The following DEPDC7 variants were observed in gnomAD, a reference collection of about 807,000 sequenced individuals.
The protein encoded by DEPDC7 is DEP domain-containing protein 7.
DEPDC7 carries 41 observed loss-of-function variants against 56.6 expected under a neutral mutation model. The observed-to-expected ratio is 0.72, with a 90% CI of 0.56 to 0.94. The LOEUF (loss-of-function observed/expected upper bound fraction) is 0.94. Ranked by LOEUF, DEPDC7 falls within the 40% of genes least tolerant of loss-of-function variation. The pLI, the probability that DEPDC7 is intolerant of heterozygous loss-of-function variation, is 0.00. For synonymous variants in DEPDC7, 185 were observed against 208.8 expected, an observed-to-expected ratio of 0.89 and a Z score of 0.98; for missense variants, 522 against 596.3, an observed-to-expected ratio of 0.88 and a Z score of 1.30.
intron 1 of DEPDC7, among the ~76,000 whole-genome samples, chr11:33,024,169 A>T (rs555136764): frequency 6.6e-6 from 1 of 152,220 alleles, no homozygotes; most frequent in Non-Finnish European, 1.5e-5. Flanking sequence ...TTTCTTTCCT[A>T]TTGATTTCCA....
At position 33,028,655 on chromosome 11, in the gene DEPDC7, A is replaced by G. The variant is rs772221491; in HGVS notation, c.645A>G (p.Val215=). The G allele has an allele frequency of 6.2e-7, 1 of 1,613,298 alleles. No homozygotes were observed. Residue 215 remains valine, a synonymous_variant, in exon 4 of 9, where the codon GTA becomes GTG. Transcript: ENST00000241051. ...EETIGRLLQL[V]DLPLLDSLLK... ...CAATTGGGCGTCTACTACAACTTGT[A>G]GACCTTCCACTTCTTGACTCCTTAC...
chr11:33,025,968 G>T lies in DEPDC7; in HGVS notation c.383G>T (p.Ser128Ile). ...AAAAAACCTACATTTGAAGATAGTA[G>T]TTGCAGCCTTTATAGATTCACCACA... ...KDKKPTFEDS[S>I]CSLYRFTTIP... The change falls in exon 2 of 9, where the codon AGT becomes ATT. Residue 128 changes from serine (S) to isoleucine (I), a missense_variant. Transcript: ENST00000241051. 6.2e-7 allele frequency: 1 copy of T among 1,614,114 alleles called. No individual in the cohort carries two copies.
intron 1 of DEPDC7, among the ~76,000 whole-genome samples, chr11:33,021,345 T>C (rs935095101): frequency 2.0e-5 from 3 of 151,968 alleles, no homozygotes; most frequent in African/African-American, 7.2e-5. Context: ...GTTTAGCTCA[T>C]ATGAAAGTGA....
At chr11:33,028,426 C>T (rs1280261436) in intron 3 of DEPDC7, 177 bp from the exon 4 acceptor site, 3 of 514,834 alleles carry the variant, frequency 5.8e-6, no homozygotes, top group Non-Finnish European at 1.0e-5. Flanking sequence ...TATTCTCCTA[C>T]ACTCTAAACA....
At chr11:33,022,612 A>C (rs1853534236) in intron 1 of DEPDC7, among the ~76,000 whole-genome samples, 1 of 152,232 alleles carries the variant, frequency 6.6e-6, no homozygotes, top group Non-Finnish European at 1.5e-5. Context: ...GTTTATTTTA[A>C]ATCTTATTTA....
intron 1 of DEPDC7, chr11:33,016,319 A>C (rs1853460434): frequency 4.3e-6 from 6 of 1,393,418 alleles, no homozygotes; most frequent in Non-Finnish European, 5.6e-6. Flanking sequence ...TGCGCCCGCT[A>C]ACGTGCCAGG....
In DEPDC7 at chr11:33,015,901, G is replaced by T; in HGVS notation, c.-55G>T. The T allele has an allele frequency of 6.6e-7, 1 of 1,511,792 alleles. No homozygotes were observed. The highest frequency in any genetic ancestry group is 8.9e-7 in the Non-Finnish European group (1 of 1,120,700). The allele number at this position is 1,511,792 out of a possible 1,614,324, so 93.6% of individuals were successfully genotyped here. On this transcript the variant is annotated 5_prime_UTR_variant, in exon 1 of 9. Transcript: ENST00000241051. ...GCACAGTTAACAGACGGGCGCTCAG[G>T]GAGCTAGGGAGCTGTGAAGCTGCTG...
Position 33,025,758 on chromosome 11 carries a change from G to A in DEPDC7, c.173G>A (p.Arg58His), listed in dbSNP as rs552446140. ...GTGGAAGTGAAAAAACGAAGGCACC[G>A]TTTAAAACGACATAATGACTGCTTT... ...TQVEVKKRRH[R>H]LKRHNDCFVG... Residue 58 changes from arginine (R) to histidine (H), a missense_variant, in exon 2 of 9, where the codon CGT (arginine) becomes CAT (histidine). Arg to His is a conservative substitution (Grantham distance 29). Coordinates refer to ENST00000241051, the MANE Select transcript of DEPDC7 (RefSeq NM_001077242.2). 19 of 1,614,168 alleles carry A rather than the reference G, an allele frequency of 1.2e-5. No individual in the cohort carries two copies. Among genetic ancestry groups the A allele is most frequent in the South Asian group, 4.4e-5 (4 of 91,080 alleles).
intron 1 of DEPDC7, among the ~76,000 whole-genome samples, chr11:33,018,714 T>C (rs1430302794): frequency 6.6e-6 from 1 of 152,218 alleles, no homozygotes; most frequent in Non-Finnish European, 1.5e-5. Flanking sequence ...TTGTCATAAT[T>C]AATGAACCAA....
intron 1 of DEPDC7, among the ~76,000 whole-genome samples, chr11:33,024,802 CTGTGTG>C (rs35371602): frequency 0.045 from 6,529 of 146,356 alleles, 352 homozygotes; most frequent in African/African-American, 0.13. Context: ...ATGCATGACT[CTGTGTG>C]TGTGTGTGTG....
At chr11:33,024,233 G>A (rs573249849) in intron 1 of DEPDC7, among the ~76,000 whole-genome samples, 1 of 152,138 alleles carries the variant, frequency 6.6e-6, no homozygotes. Context: ...TTGAAAGTTT[G>A]TTTTTCTCCT....
chr11:33,033,009 A>G lies in DEPDC7; in HGVS notation c.1342+42A>G, dbSNP rs1853649801. Reference sequence around the variant, plus strand: ...TATTTTCATGATCTTCCAAAGACAAATTTCAGGTGTTTTTTGAAAATGTTT... The same window carrying G: ...TATTTTCATGATCTTCCAAAGACAAGTTTCAGGTGTTTTTTGAAAATGTTT... On this transcript the variant is annotated intron_variant, in intron 8 of 8. Transcript: ENST00000241051. 1.6e-5 allele frequency: 23 copies of G among 1,451,170 alleles called. 1 individual carries two copies. The highest frequency in any genetic ancestry group is 2.1e-5 in the Non-Finnish European group (22 of 1,061,746). The allele number at this position is 1,451,170 out of a possible 1,614,324, so 89.9% of individuals were successfully genotyped here.
intron 8 of DEPDC7, 107 bp downstream of exon 8, chr11:33,033,074 A>C (rs1853650500): frequency 1.1e-5 from 11 of 1,023,510 alleles, no homozygotes; most frequent in Non-Finnish European, 1.6e-5. Flanking sequence ...CCAAATTTAA[A>C]ACATTCTCCT....
chr11:33,021,092 CA>C (rs200238887), intron 1 of DEPDC7, among the ~76,000 whole-genome samples: 1,539 of 150,490 alleles, frequency 0.01, 31 homozygotes, highest in African/African-American at 0.035. Context: ...ACTAAAAATA[CA>C]AAAAAAAATT....
chr11:33,016,131 G>C (rs1853456708), intron 1 of DEPDC7, 103 bp downstream of exon 1: 2 of 1,238,492 alleles, frequency 1.6e-6, no homozygotes, highest in African/African-American at 3.2e-5. Flanking sequence ...GGCCGCCTGC[G>C]CCTGTCAACG....
Position 33,031,410 on chromosome 11 carries a change from GT to G in DEPDC7, c.818del (p.Leu273Ter). The G allele has an allele frequency of 6.2e-7, 1 of 1,614,140 alleles. No homozygotes were observed. The highest frequency in any genetic ancestry group is 8.5e-7 in the Non-Finnish European group (1 of 1,180,020). On this transcript the variant is annotated frameshift_variant, in exon 5 of 9. Transcript: ENST00000241051. LOFTEE classifies it high-confidence loss of function. ...GAGTGGCTCTCGGCAGCAATTGACT[GT>G]TTAGAATACCTTCCAGACCAAATGG... ...EDEWLSAAID[C>X]LEYLPDQMVV...
chr11:33,021,337 T>G (rs1010714111), intron 1 of DEPDC7, among the ~76,000 whole-genome samples: 1 of 152,072 alleles, frequency 6.6e-6, no homozygotes, highest in African/African-American at 2.4e-5. Flanking sequence ...AAAAGGTTGT[T>G]TAGCTCATAT....
intron 5 of DEPDC7, among the ~76,000 whole-genome samples, 177 bp from the exon 6 acceptor site, chr11:33,032,159 G>A (rs1286200725): frequency 6.6e-6 from 1 of 152,210 alleles, no homozygotes; most frequent in Non-Finnish European, 1.5e-5. Flanking sequence ...TTGCCAATTT[G>A]AGAACAAGCT....
In DEPDC7 at chr11:33,033,376, C is replaced by G. The variant is rs1564966781; in HGVS notation, c.1457C>G (p.Ser486Cys). The change falls in exon 9 of 9, where the codon TCT (serine) becomes TGT (cysteine). Residue 486 changes from serine to cysteine, a missense_variant. Transcript: ENST00000241051. The part of the protein sequence containing the change: ...LKTLDEDSKL[S>C]AKEKKKLLGQ... ...ACTCTTGATGAGGATTCAAAACTTT[C>G]TGCCAAAGAGAAGAAAAAATTGCTA... The G allele has an allele frequency of 5.0e-6, 8 of 1,611,426 alleles. No individual in the cohort carries two copies. Among genetic ancestry groups the G allele is most frequent in the Non-Finnish European group, 5.9e-6 (7 of 1,179,158 alleles).
Sources: allele counts gnomAD v4.1 joint callset (sites outside exome capture counted in the v4.1 genomes callset), GRCh38; gene constraint gnomAD v4.1.1; transcripts MANE v1.5; gene names NCBI Gene and HGNC (gene_info 2026-07-23, HGNC 2026-07-21).